The following USH1C variants were observed in gnomAD, a reference collection of about 807,000 sequenced individuals.
The protein encoded by USH1C is harmonin.
In USH1C, 90 loss-of-function variants were observed where a neutral mutation model predicts 119.3. That is an observed-to-expected ratio of 0.75 (90% CI 0.64 to 0.90). The LOEUF is 0.90. Among genes scored for constraint, USH1C ranks in the 40% least tolerant of loss-of-function variants. The pLI is 0.00. For missense variants in USH1C, 1,165 were observed against 1,167.7 expected (o/e 1.00, Z 0.03); for synonymous variants, 465 against 443.3 (o/e 1.05, Z -0.62).
chr11:17,505,640 C>T (rs2133803010), intron 19 of USH1C, among the ~76,000 whole-genome samples, 190 bp downstream of exon 19: 1 of 152,364 alleles, frequency 6.6e-6, no homozygotes, highest in South Asian at 2.1e-4. Flanking sequence ...ACAGAAATTC[C>T]ACTGGTCATG....
intron 20 of USH1C, among the ~76,000 whole-genome samples, chr11:17,503,619 G>A (rs1013994050): frequency 1.3e-5 from 2 of 152,146 alleles, no homozygotes; most frequent in Admixed American, 1.3e-4. Flanking sequence ...GCCCTAAACC[G>A]CCAGGTCCTG....
At chr11:17,515,152 A>C (rs187990039) in intron 15 of USH1C, among the ~76,000 whole-genome samples, 24 of 152,152 alleles carry the variant, frequency 1.6e-4, no homozygotes, top group African/African-American at 5.3e-4. Context: ...TAACCCAATG[A>C]GGCATCCTAA....
intron 14 of USH1C, among the ~76,000 whole-genome samples, chr11:17,518,632 CAGGTTGG>C (rs906379601): frequency 3.3e-5 from 5 of 152,168 alleles, no homozygotes; most frequent in African/African-American, 1.2e-4. Flanking sequence ...CCCCCTGGGG[CAGGTTGG>C]GGGGCAGTCA....
At chr11:17,511,080 C>A (rs542254167) in intron 16 of USH1C, among the ~76,000 whole-genome samples, 1 of 152,252 alleles carries the variant, frequency 6.6e-6, no homozygotes, top group South Asian at 2.1e-4. Context: ...ATGATACCTC[C>A]TACAGCTGGG....
At chr11:17,540,271 T>G (rs529628539) in intron 1 of USH1C, among the ~76,000 whole-genome samples, 1 of 152,222 alleles carries the variant, frequency 6.6e-6, no homozygotes. Flanking sequence ...ACATAGACAG[T>G]GCCCTTCATC....
chr11:17,509,318 C>G, intron 18 of USH1C, 38 bp downstream of exon 18: 1 of 1,533,190 alleles, frequency 6.5e-7, no homozygotes, highest in Non-Finnish European at 8.8e-7. Flanking sequence ...CCCCACTCTT[C>G]CTACTTCCAA....
intron 23 of USH1C, 21 bp from the exon 24 acceptor site, chr11:17,498,292 T>C: frequency 1.2e-6 from 2 of 1,611,352 alleles, no homozygotes; most frequent in Non-Finnish European, 1.7e-6. Flanking sequence ...ATGAGGCTGA[T>C]TGGCCAACTG....
intron 17 of USH1C, among the ~76,000 whole-genome samples, chr11:17,510,121 A>C (rs1238343082): frequency 6.6e-6 from 1 of 152,172 alleles, no homozygotes; most frequent in Non-Finnish European, 1.5e-5. Context: ...AATGCCCTTG[A>C]GAGTGTAAGG....
At chr11:17,512,764 G>A (rs1367400131) in intron 15 of USH1C, among the ~76,000 whole-genome samples, 2 of 152,196 alleles carry the variant, frequency 1.3e-5, no homozygotes, top group Non-Finnish European at 2.9e-5. Context: ...CCCCTCTACC[G>A]AGGGCTAGCT....
intron 16 of USH1C, among the ~76,000 whole-genome samples, chr11:17,511,168 C>A (rs1591981912): frequency 6.6e-6 from 1 of 152,194 alleles, no homozygotes; most frequent in South Asian, 2.1e-4. Flanking sequence ...TTCATGGGGA[C>A]AGCCTCAGAT....
intron 20 of USH1C, among the ~76,000 whole-genome samples, chr11:17,503,030 G>A (rs1194204507): frequency 6.6e-6 from 1 of 152,130 alleles, no homozygotes; most frequent in East Asian, 1.9e-4. Flanking sequence ...CACCAACTAG[G>A]TTCCGGGCAC....
At chr11:17,512,205 T>C (rs1849926049) in intron 15 of USH1C, 151 bp from the exon 16 acceptor site, 1 of 866,832 alleles carries the variant, frequency 1.2e-6, no homozygotes, top group African/African-American at 1.7e-5. Flanking sequence ...GACCTCAGGT[T>C]TAGGACAGGA....
At chr11:17,518,996 G>T (rs1216341312) in intron 14 of USH1C, among the ~76,000 whole-genome samples, 7 of 151,794 alleles carry the variant, frequency 4.6e-5, no homozygotes, top group Non-Finnish European at 1.0e-4. Context: ...ACTCCAGCCT[G>T]GGCAACAAGA....
rs151045328 is a variant in USH1C at position 17,531,431 on chromosome 11, C to T, written c.216G>A (p.Val72=). 2.8e-5 allele frequency: 45 copies of T among 1,613,984 alleles called. No individual in the cohort carries two copies. The highest frequency in any genetic ancestry group is 3.7e-5 in the Non-Finnish European group (44 of 1,180,006). Reference sequence around the variant, plus strand: ...GCCGGGGGGTCAGCTGATCATATTCCACCTGGTGCTTCAGTGGGATCAGCG... The same window carrying T: ...GCCGGGGGGTCAGCTGATCATATTCTACCTGGTGCTTCAGTGGGATCAGCG... ...IRPLIPLKHQ[V]EYDQLTPRRS... Residue 72 remains valine, a synonymous_variant, in exon 3 of 27, where the codon GTG becomes GTA. Coordinates refer to ENST00000005226, the MANE Select transcript of USH1C (RefSeq NM_153676.4). The surrounding 1 kb of genome is among the most constrained non-coding windows in gnomAD (Gnocchi z 4.2).
Position 17,523,464 on chromosome 11 carries a change from A to G in USH1C, c.774T>C (p.Ile258=). 1 of 1,614,194 alleles carries G rather than the reference A, an allele frequency of 6.2e-7. No individual in the cohort carries two copies. The highest frequency in any genetic ancestry group is 1.6e-4 in the Middle Eastern group (1 of 6,062). The change falls in exon 10 of 27, where the codon ATT becomes ATC. Residue 258 remains isoleucine, a synonymous_variant. Coordinates refer to ENST00000005226, the MANE Select transcript of USH1C (RefSeq NM_153676.4). The part of the protein sequence containing the change: ...AEVGLEIGDQ[I]VEVNGVDFSN... ...AGAAGTCGACGCCATTGACTTCGACAATCTGGTCCCCTATCTGGTGGGGAA... is the reference window on the plus strand; with the variant it reads ...AGAAGTCGACGCCATTGACTTCGACGATCTGGTCCCCTATCTGGTGGGGAA...
chr11:17,517,492 G>A lies in USH1C; in HGVS notation c.1211-1202C>T, dbSNP rs1465971787. 3.8e-6 allele frequency: 6 copies of A among 1,577,218 alleles called. No individual in the cohort carries two copies. The highest frequency in any genetic ancestry group is 2.7e-5 in the African/African-American group (2 of 74,422). On this transcript the variant is annotated intron_variant, in intron 14 of 26. Transcript: ENST00000005226. ...CTGATCATCTACCCAGGGAAAAGAG[G>A]AGGAAGCTGGTGAACCAAAAGGGAC...
At chr11:17,501,675 C>T in intron 21 of USH1C, 140 bp from the exon 22 acceptor site, 1 of 1,055,966 alleles carries the variant, frequency 9.5e-7, no homozygotes, top group South Asian at 1.4e-5. Context: ...CCCAGCCCCA[C>T]CCCTACTGGT....
chr11:17,530,114 C>G (rs1316214449), intron 4 of USH1C, among the ~76,000 whole-genome samples: 1 of 152,222 alleles, frequency 6.6e-6, no homozygotes, highest in Admixed American at 6.5e-5. Flanking sequence ...ACCCCTTACG[C>G]CACAGTGTCT....
rs1437315335 is a variant in USH1C, at chr11:17,509,706, G to A, written c.1663C>T (p.Pro555Ser). 4 of 1,600,244 alleles carry A rather than the reference G, an allele frequency of 2.5e-6. No homozygotes were observed. The highest frequency in any genetic ancestry group is 3.4e-6 in the Non-Finnish European group (4 of 1,179,400). The change falls in exon 18 of 27, where the codon CCC (proline) becomes TCC (serine). Residue 555 changes from proline to serine, a missense_variant. Pro to Ser is a moderately conservative substitution (Grantham distance 74, BLOSUM62 -1). Transcript: ENST00000005226. ...DIPLDMFYYP[P>S]KTPSALPVMP... ...ACAGGCAAGGCAGAGGGAGTCTTGG[G>A]GGGATAGTAGAACATGTCCAAAGGG...
Sources: gnomAD v4.1 joint callset for allele counts (sites outside exome capture counted in the v4.1 genomes callset) on GRCh38, gnomAD v4.1.1 for gene constraint, Gnocchi (gnomAD v3.1) non-coding constraint, MANE v1.5 for transcripts, NCBI Gene and HGNC (gene_info 2026-07-23, HGNC 2026-07-21) for gene names.